The following LIG3 variants were observed in gnomAD, a reference collection of about 807,000 sequenced individuals.
LIG3 encodes DNA ligase 3, also known as ligase II, DNA, ATP-dependent.
A neutral mutation model predicts 110.9 loss-of-function variants in LIG3; 58 were observed. The ratio of observed to expected loss-of-function variants is 0.52; its 90% confidence interval spans 0.42 to 0.65. The LOEUF (loss-of-function observed/expected upper bound fraction) is 0.65, where lower values mean the gene tolerates loss of function less well. Ranked by LOEUF, LIG3 falls within the 30% of genes least tolerant of loss-of-function variation. The pLI, the probability that LIG3 is intolerant of heterozygous loss-of-function variation, is 0.00. For missense variants in LIG3, 1,094 were observed against 1,273.8 expected (o/e 0.86, Z 2.15); for synonymous variants, 422 against 472.8 (o/e 0.89, Z 1.39).
At chr17:35,003,266 T>G in intron 19 of LIG3, 11 of 1,075,256 alleles carry the variant, frequency 1.0e-5, no homozygotes, top group East Asian at 2.7e-5. Flanking sequence ...TGTTACATTT[T>G]CTTGTCAGTC....
chr17:34,986,174 T>G (rs1258595845), intron 3 of LIG3, 43 bp downstream of exon 3: 1 of 1,582,392 alleles, frequency 6.3e-7, no homozygotes, highest in Admixed American at 1.7e-5. Context: ...AGTGCTGCTT[T>G]TATTTTGTAT....
Position 34,997,822 on chromosome 17 carries a change from C to A in LIG3, c.1908C>A (p.Val636=). The change falls in exon 12 of 20, where the codon GTC becomes GTA. Residue 636 remains valine (V), a synonymous_variant. Coordinates refer to ENST00000378526, the MANE Select transcript of LIG3 (RefSeq NM_013975.4). The part of the protein sequence containing the change: ...NRIMFSEMKR[V]TKALDLADMI... ...TCATGTTCTCAGAAATGAAGCGAGTCACAGTAAGTGAAGACCCTATGCTAG... is the reference window on the plus strand; with the variant it reads ...TCATGTTCTCAGAAATGAAGCGAGTAACAGTAAGTGAAGACCCTATGCTAG... The A allele has an allele frequency of 6.2e-7, 1 of 1,613,192 alleles. No homozygotes were observed. The highest frequency in any genetic ancestry group is 1.1e-5 in the South Asian group (1 of 91,040).
In LIG3 at chr17:35,009,526, AT is replaced by A. The variant is rs1188255860; in HGVS notation, c.*5021del. 6.6e-6 allele frequency: 1 copy of A among 152,142 alleles called. No homozygotes were observed. Among genetic ancestry groups the A allele is most frequent in the Non-Finnish European group, 1.5e-5 (1 of 68,030 alleles). 9.4% of individuals were successfully genotyped at this position (152,142 alleles called of 1,614,324 possible). A position where few individuals can be genotyped will look rare whatever the true frequency, so the allele number is the denominator to read the frequency against. On this transcript the variant is annotated 3_prime_UTR_variant, in exon 20 of 20. Transcript: ENST00000378526. ...AAATCAAATTTTAGACCTTGGTTAA[AT>A]ATTAACTGGAATGGGATCTTGGAAC...
At chr17:35,000,417 G>A (rs532722967) in intron 16 of LIG3, among the ~76,000 whole-genome samples, 1 of 151,696 alleles carries the variant, frequency 6.6e-6, no homozygotes, top group East Asian at 2.0e-4. Context: ...TGCCACCGTG[G>A]CCAGCTAATT....
chr17:34,999,547 G>C, intron 15 of LIG3, 98 bp downstream of exon 15: 1 of 1,451,432 alleles, frequency 6.9e-7, no homozygotes, highest in Non-Finnish European at 9.3e-7. Flanking sequence ...TGTCTCCCCA[G>C]AAAGAAGGGT....
Position 34,983,002 on chromosome 17 carries a change from CTA to C in LIG3, c.1_2del. On this transcript the variant is annotated splice_region_variant and 5_prime_UTR_variant, in exon 2 of 20. Transcript: ENST00000378526. ...TTTGGCCTCCTACTCTTTCGTACAGCTATATGTCTTTGGCTTTCAAGATCTTC... is the reference window on the plus strand; with the variant it reads ...TTTGGCCTCCTACTCTTTCGTACAGCTATGTCTTTGGCTTTCAAGATCTTC... 1 of 1,538,294 alleles carries C rather than the reference CTA, an allele frequency of 6.5e-7. No individual in the cohort carries two copies. The highest frequency in any genetic ancestry group is 8.8e-7 in the Non-Finnish European group (1 of 1,140,998).
At chr17:34,998,581 G>A (rs747062358) in intron 13 of LIG3, 23 bp from the exon 14 acceptor site, 45 of 1,612,882 alleles carry the variant, frequency 2.8e-5, no homozygotes, top group Non-Finnish European at 3.6e-5. Context: ...CTATTCTGTG[G>A]TCTCTCTTTT....
At chr17:34,998,557 A>G in intron 13 of LIG3, 47 bp from the exon 14 acceptor site, 1 of 1,607,072 alleles carries the variant, frequency 6.2e-7, no homozygotes, top group East Asian at 2.2e-5. Context: ...ACCCATCCTC[A>G]TGGAGTTGCC....
intron 8 of LIG3, 56 bp from the exon 9 acceptor site, chr17:34,994,220 C>G (rs572306109): frequency 8.7e-5 from 135 of 1,558,102 alleles, no homozygotes; most frequent in Admixed American, 2.2e-4. Flanking sequence ...CTCTGGCTGT[C>G]GCTGCTTAGC....
intron 16 of LIG3, among the ~76,000 whole-genome samples, 193 bp downstream of exon 16, chr17:35,000,049 A>C (rs1045944645): frequency 2.6e-5 from 4 of 152,108 alleles, no homozygotes; most frequent in Non-Finnish European, 4.4e-5. Flanking sequence ...CTGCAATACA[A>C]TTGCTTTAAA....
At chr17:35,000,597 G>T (rs1016741632) in intron 16 of LIG3, among the ~76,000 whole-genome samples, 1 of 147,440 alleles carries the variant, frequency 6.8e-6, no homozygotes, top group African/African-American at 2.5e-5. Flanking sequence ...CTTCTAGCTG[G>T]TTGGGAGATA....
chr17:35,002,048 C>T lies in LIG3; in HGVS notation c.2618C>T (p.Pro873Leu). 1 of 1,605,556 alleles carries T rather than the reference C, an allele frequency of 6.2e-7. No individual in the cohort carries two copies. The highest frequency in any genetic ancestry group is 8.5e-7 in the Non-Finnish European group (1 of 1,176,916). The change falls in exon 18 of 20, where the codon CCC (proline) becomes CTC (leucine). Residue 873 changes from proline (P) to leucine (L), a missense_variant. Pro to Leu is a moderately conservative substitution (Grantham distance 98). Transcript: ENST00000378526. ...GTGTCCCGCAAGGCCCCCAGCAAGC[C>T]CTCAGCCAGTACCAAGAAAGCAGAA... The part of the protein sequence containing the change: ...SAVSRKAPSK[P>L]SASTKKAEGK...
At chr17:35,000,007 A>G (rs1429300556) in intron 16 of LIG3, 151 bp downstream of exon 16, 6 of 622,848 alleles carry the variant, frequency 9.6e-6, no homozygotes. Flanking sequence ...GGACAACCAG[A>G]CAACTCTGAG....
intron 14 of LIG3, chr17:34,998,995 A>G (rs1446670822): frequency 5.9e-6 from 3 of 509,824 alleles, no homozygotes; most frequent in African/African-American, 1.9e-5. Context: ...CTTTCTCCTC[A>G]GGCAAAATCT....
rs780159092 is a variant in LIG3, at chr17:34,998,565, G to A, written c.1990-39G>A. 26 of 1,609,920 alleles carry A rather than the reference G, an allele frequency of 1.6e-5. 1 individual carries two copies. The highest frequency in any genetic ancestry group is 2.2e-5 in the Non-Finnish European group (26 of 1,177,844). On this transcript the variant is annotated intron_variant, in intron 13 of 19. Transcript: ENST00000378526. ...GGGGTGAACCCATCCTCATGGAGTT[G>A]CCTTTCTATTCTGTGGTCTCTCTTT...
chr17:34,999,282 C>T (rs2090814115), intron 14 of LIG3, 25 bp from the exon 15 acceptor site: 6 of 1,602,574 alleles, frequency 3.7e-6, no homozygotes, highest in Non-Finnish European at 5.1e-6. Context: ...CTCCAACCCA[C>T]ACTCATCTCA....
chr17:34,998,411 C>G, intron 13 of LIG3, 115 bp downstream of exon 13: 2 of 1,135,570 alleles, frequency 1.8e-6, no homozygotes, highest in Non-Finnish European at 2.6e-6. Context: ...GGGGTGGCTG[C>G]TGGGGAAGTG....
intron 17 of LIG3, 105 bp downstream of exon 17, chr17:35,001,508 A>T: frequency 8.2e-7 from 1 of 1,225,130 alleles, no homozygotes; most frequent in East Asian, 2.5e-5. Flanking sequence ...CCTTTCCCCC[A>T]TTCTCCTGAG....
At chr17:34,996,331 G>C (rs1247203232) in intron 10 of LIG3, 136 bp downstream of exon 10, 2 of 1,151,096 alleles carry the variant, frequency 1.7e-6, no homozygotes, top group African/African-American at 3.1e-5. Context: ...CCTGTTTCTG[G>C]TTTGGATTTT....
Sources: allele counts gnomAD v4.1 joint callset (sites outside exome capture counted in the v4.1 genomes callset), GRCh38; gene constraint gnomAD v4.1.1; transcripts MANE v1.5; gene names NCBI Gene and HGNC (gene_info 2026-07-23, HGNC 2026-07-21).